Variants in CTNNA2 observed in about 807,000 individuals in gnomAD.
The protein encoded by CTNNA2 is catenin alpha-2.
In CTNNA2, 42 loss-of-function variants were observed where a neutral mutation model predicts 101.0. That is an observed-to-expected ratio of 0.42 (90% CI 0.32 to 0.54). The LOEUF is 0.54. Ranked by LOEUF, CTNNA2 falls within the 20% of genes least tolerant of loss-of-function variation. CTNNA2 has a pLI of 0.14. For synonymous variants in CTNNA2, 450 were observed against 456.4 expected, an observed-to-expected ratio of 0.99 and a Z score of 0.18; for missense variants, 871 against 1,223.1, an observed-to-expected ratio of 0.71 and a Z score of 4.29.
chr2:80,217,346 C>T (rs148980997), intron 7 of CTNNA2, among the ~76,000 whole-genome samples: 86 of 152,186 alleles, frequency 5.7e-4, no homozygotes, highest in African/African-American at 1.8e-3. Context: ...CCCAGTGTCT[C>T]GGGGTCCAAG....
chr2:79,829,422 A>ACACACAC (rs1553376366), intron 3 of CTNNA2, among the ~76,000 whole-genome samples: 24 of 123,968 alleles, frequency 1.9e-4, no homozygotes, highest in East Asian at 1.9e-3. Context: ...CACAGACACA[A>ACACACAC]AGCCGGGCGA....
intron 7 of CTNNA2, among the ~76,000 whole-genome samples, chr2:80,095,770 G>C (rs1182595032): frequency 2.0e-5 from 3 of 151,980 alleles, no homozygotes; most frequent in Non-Finnish European, 2.9e-5. Flanking sequence ...ATTTCTTCTA[G>C]ATTTTCTAGT....
chr2:79,788,630 T>C (rs1675032729), intron 3 of CTNNA2, among the ~76,000 whole-genome samples: 1 of 152,188 alleles, frequency 6.6e-6, no homozygotes, highest in Admixed American at 6.5e-5. Flanking sequence ...CATGCATGCA[T>C]ACATGTCCAC....
intron 3 of CTNNA2, among the ~76,000 whole-genome samples, chr2:79,331,190 A>G (rs557702255): frequency 1.3e-5 from 2 of 152,074 alleles, no homozygotes; most frequent in South Asian, 2.1e-4. Context: ...GCTCATCTCA[A>G]ATGGCTCAGC....
chr2:79,543,339 TG>T (rs1428687631), intron 1 of CTNNA2, among the ~76,000 whole-genome samples: 4 of 152,186 alleles, frequency 2.6e-5, no homozygotes, highest in Admixed American at 1.3e-4. Context: ...TATTTTACTT[TG>T]AAATGTGAAA....
chr2:79,199,771 C>G (rs1674008714), intron 2 of CTNNA2, among the ~76,000 whole-genome samples: 1 of 152,122 alleles, frequency 6.6e-6, no homozygotes, highest in Non-Finnish European at 1.5e-5. Context: ...GGTCCTGTTC[C>G]TGGCTTATAG....
rs746622778 is a variant in CTNNA2, at chr2:79,869,841, A to G, written c.491A>G (p.Lys164Arg). 1.1e-5 allele frequency: 17 copies of G among 1,614,056 alleles called. No individual in the cohort carries two copies. In the Admixed American group the frequency reaches 1.7e-4, roughly 16 times the overall value. The change falls in exon 5 of 19, where the codon AAA becomes AGA. Residue 164 changes from lysine to arginine, a missense_variant. Physicochemically the swap from Lys to Arg is conservative, Grantham distance 26. Transcript: ENST00000402739. The part of the protein sequence containing the change: ...KIVEEALEAV[K>R]NATNEQDLAN... ...GTGGAAGAGGCCCTGGAAGCTGTCA[A>G]AAATGCTACAAATGAGCAAGACCTT...
rs573286626 is a variant in CTNNA2 at position 80,162,654 on chromosome 2, C to T, written c.1057-230557C>T. 1.3e-4 allele frequency: 208 copies of T among 1,612,240 alleles called. 1 individual carries two copies. The African/African-American group carries it at 2.1e-3, about 16-fold the overall frequency. On this transcript the variant is annotated intron_variant, in intron 7 of 18. Transcript: ENST00000402739. Reference sequence around the variant, plus strand: ...GGGATGAGAATTCATTCTGACTTTACGCTGTGATGATGGTGTACCTTGGCG... The same window carrying T: ...GGGATGAGAATTCATTCTGACTTTATGCTGTGATGATGGTGTACCTTGGCG...
chr2:79,871,136 A>G (rs1212390295), intron 5 of CTNNA2, among the ~76,000 whole-genome samples: 1 of 152,166 alleles, frequency 6.6e-6, no homozygotes, highest in African/African-American at 2.4e-5. Flanking sequence ...TTTTTAAAAC[A>G]TTTTGGGCCA....
chr2:80,018,320 T>C (rs181609000), intron 7 of CTNNA2, among the ~76,000 whole-genome samples: 3 of 152,292 alleles, frequency 2.0e-5, no homozygotes, highest in Non-Finnish European at 4.4e-5. Context: ...TGTTACTTTG[T>C]TTTTGTTGTT....
Position 80,160,328 on chromosome 2 carries a change from C to T in CTNNA2, c.1057-232883C>T, listed in dbSNP as rs1008667965. Among the ~76,000 whole-genome samples, 30 of 152,132 alleles carry T rather than the reference C, an allele frequency of 2.0e-4. No individual in the cohort carries two copies. The East Asian group carries it at 2.3e-3, about 12-fold the overall frequency. ...ACATTTTAGAATAATGTTATTTATACGTACAAAAGTTTTTCTTGGATTTTG... is the reference window on the plus strand; with the variant it reads ...ACATTTTAGAATAATGTTATTTATATGTACAAAAGTTTTTCTTGGATTTTG... On this transcript the variant is annotated intron_variant, in intron 7 of 18. Coordinates refer to ENST00000402739, the MANE Select transcript of CTNNA2 (RefSeq NM_001282597.3).
At chr2:80,149,032 T>TA (rs1354496462) in intron 7 of CTNNA2, among the ~76,000 whole-genome samples, 1 of 151,188 alleles carries the variant, frequency 6.6e-6, no homozygotes, top group Non-Finnish European at 1.5e-5. Context: ...TATTTTTTTT[T>TA]TTTTTTTTTT....
intron 2 of CTNNA2, among the ~76,000 whole-genome samples, chr2:79,252,499 T>G (rs549004885): frequency 9.2e-5 from 14 of 152,192 alleles, no homozygotes; most frequent in Non-Finnish European, 1.5e-5. Context: ...TAATGTACAA[T>G]GTATAGGTAT....
chr2:79,383,834 C>G (rs1162268615), intron 4 of CTNNA2, among the ~76,000 whole-genome samples: 2 of 152,150 alleles, frequency 1.3e-5, no homozygotes, highest in African/African-American at 4.8e-5. Flanking sequence ...TGGAGACTGT[C>G]CACCTTTCTG....
At chr2:79,964,905 G>A (rs916483081) in intron 7 of CTNNA2, among the ~76,000 whole-genome samples, 1 of 152,114 alleles carries the variant, frequency 6.6e-6, no homozygotes, top group African/African-American at 2.4e-5. Context: ...AAGTGACATG[G>A]TCTAACTCAT....
intron 15 of CTNNA2, among the ~76,000 whole-genome samples, chr2:80,593,237 G>A (rs1473119794): frequency 1.3e-5 from 2 of 152,106 alleles, no homozygotes; most frequent in Non-Finnish European, 2.9e-5. Flanking sequence ...ATTTTAAAAT[G>A]GGGAGATACA....
chr2:79,598,854 G>A (rs1473347102), intron 1 of CTNNA2, among the ~76,000 whole-genome samples: 1 of 152,058 alleles, frequency 6.6e-6, no homozygotes, highest in Admixed American at 6.5e-5. Context: ...TCATGCCTTT[G>A]ATGTATCTAA....
At chr2:80,022,001 C>A (rs1694597246) in intron 7 of CTNNA2, among the ~76,000 whole-genome samples, 1 of 152,154 alleles carries the variant, frequency 6.6e-6, no homozygotes. Flanking sequence ...CAGTAGAAGA[C>A]AAACAGTCTG....
chr2:79,963,459 G>T (rs1398440072), intron 7 of CTNNA2, among the ~76,000 whole-genome samples: 1 of 152,172 alleles, frequency 6.6e-6, no homozygotes, highest in Non-Finnish European at 1.5e-5. Context: ...ATCACTGCTT[G>T]ATGAGAGCTT....
Sources: gnomAD v4.1 joint callset for allele counts (sites outside exome capture counted in the v4.1 genomes callset) on GRCh38, gnomAD v4.1.1 for gene constraint, MANE v1.5 for transcripts, NCBI Gene and HGNC (gene_info 2026-07-23, HGNC 2026-07-21) for gene names.